Variants in SGCZ observed in about 807,000 individuals in gnomAD.
SGCZ encodes the protein sarcoglycan zeta, also known as zeta-sarcoglycan.
SGCZ carries 40 observed loss-of-function variants against 41.3 expected under a neutral mutation model. That is an observed-to-expected ratio of 0.97 (90% confidence interval 0.75 to 1.26). SGCZ has a LOEUF of 1.26. SGCZ is among the 50% of genes most tolerant of loss of function. SGCZ has a pLI of 0.00. For missense variants in SGCZ, 552 were observed against 369.8 expected (o/e 1.49, Z -4.04); for synonymous variants, 206 against 137.5 (o/e 1.50, Z -3.49).
rs192058771 is a variant in SGCZ at position 15,126,286 on chromosome 8, T to A, written c.39+111299A>T. Among the ~76,000 whole-genome samples the A allele has an allele frequency of 5.3e-3, 807 of 152,346 alleles. 3 individuals are homozygous for A. Among genetic ancestry groups the A allele is most frequent in the Non-Finnish European group, 8.1e-3 (548 of 68,038 alleles). Reference sequence around the variant, plus strand: ...AACTACAAGTAGAAAATTTATACTATTTATATCTACAGAGATATGATTATA... The same window carrying A: ...AACTACAAGTAGAAAATTTATACTAATTATATCTACAGAGATATGATTATA... On this transcript the variant is annotated intron_variant, in intron 1 of 7. Transcript: ENST00000382080.
intron 1 of SGCZ, among the ~76,000 whole-genome samples, chr8:14,992,506 T>C (rs1347828973): frequency 3.4e-5 from 5 of 148,742 alleles, no homozygotes; most frequent in Non-Finnish European, 5.9e-5. Context: ...TTACCCTTGC[T>C]ATTTACCTCT....
At chr8:14,403,236 C>G (rs1426577151) in intron 2 of SGCZ, among the ~76,000 whole-genome samples, 2 of 150,232 alleles carry the variant, frequency 1.3e-5, no homozygotes, top group Non-Finnish European at 2.9e-5. Flanking sequence ...CGTCTGCAAA[C>G]AGGGACAATT....
intron 2 of SGCZ, among the ~76,000 whole-genome samples, chr8:14,481,998 C>G (rs1801547651): frequency 6.6e-6 from 1 of 152,120 alleles, no homozygotes. Context: ...ACAGCAGAAC[C>G]CAGACAGAGC....
At position 14,475,055 on chromosome 8, in the gene SGCZ, G is replaced by C. The variant is rs530409507; in HGVS notation, c.234+79677C>G. 2.0e-5 allele frequency among the ~76,000 whole-genome samples: 3 copies of C among 152,164 alleles called. No individual in the cohort carries two copies. The South Asian group carries it at 6.2e-4, about 32-fold the overall frequency. ...GTGGACTTATCCAATGAGTTATTTT[G>C]TTGTTGTTTTTTAAGGAAGTGGAAT... is the stretch of plus-strand genomic sequence containing the variant. On this transcript the variant is annotated intron_variant, in intron 2 of 7. Transcript: ENST00000382080.
In SGCZ at chr8:14,344,746, A is replaced by C. The variant is rs192362475; in HGVS notation, c.235-20542T>G. Among the ~76,000 whole-genome samples the C allele has an allele frequency of 7.2e-5, 11 of 152,278 alleles. No homozygotes were observed. In the East Asian group the frequency reaches 2.1e-3, roughly 29 times the overall value. ...AGTTAAATTACTGAATGAAACAGTCAATTGTGGTTTTATACATGAGACCAG... is the reference window on the plus strand; with the variant it reads ...AGTTAAATTACTGAATGAAACAGTCCATTGTGGTTTTATACATGAGACCAG... On this transcript the variant is annotated intron_variant, in intron 2 of 7. Transcript: ENST00000382080.
At chr8:14,288,169 T>C (rs1446495141) in intron 3 of SGCZ, among the ~76,000 whole-genome samples, 1 of 152,136 alleles carries the variant, frequency 6.6e-6, no homozygotes, top group African/African-American at 2.4e-5. Context: ...TCTCAGTATG[T>C]GAGTGTGGAA....
Position 15,172,322 on chromosome 8 carries a change from C to T in SGCZ, c.39+65263G>A, listed in dbSNP as rs377558098. On this transcript the variant is annotated intron_variant, in intron 1 of 7. Transcript: ENST00000382080. ...GACTACAGGCGCGCGCCACCATGCC[C>T]GGCTAATTTTTGTATTTTTAGTAGA... 4.0e-4 allele frequency among the ~76,000 whole-genome samples: 61 copies of T among 150,702 alleles called. No individual in the cohort carries two copies. In the East Asian group the frequency reaches 8.8e-3, roughly 22 times the overall value.
chr8:14,351,516 T>C (rs1803092871), intron 2 of SGCZ, among the ~76,000 whole-genome samples: 1 of 151,512 alleles, frequency 6.6e-6, no homozygotes, highest in Admixed American at 6.6e-5. Context: ...TGAATACCTT[T>C]CTAGAAAAAA....
chr8:15,034,215 A>C (rs887486302), intron 1 of SGCZ, among the ~76,000 whole-genome samples: 1 of 152,312 alleles, frequency 6.6e-6, no homozygotes, highest in African/African-American at 2.4e-5. Flanking sequence ...AAACAATTGA[A>C]TAAAATAAGG....
chr8:14,453,904 C>T (rs1457001545), intron 2 of SGCZ, among the ~76,000 whole-genome samples: 1 of 152,064 alleles, frequency 6.6e-6, no homozygotes, highest in Non-Finnish European at 1.5e-5. Context: ...CTTGATTTGA[C>T]ATTCTGAGTG....
chr8:15,098,229 G>C (rs570538941), intron 1 of SGCZ, among the ~76,000 whole-genome samples: 4 of 151,866 alleles, frequency 2.6e-5, no homozygotes, highest in African/African-American at 9.7e-5. Context: ...AAAGAAAGAA[G>C]AAAAAATGAG....
intron 1 of SGCZ, among the ~76,000 whole-genome samples, chr8:14,717,508 G>A (rs7822045): frequency 0.37 from 56,151 of 151,910 alleles, 12,386 homozygotes; most frequent in African/African-American, 0.61. Flanking sequence ...ACTGGTAAGA[G>A]TGACTCAAGG....
chr8:14,597,454 A>G (rs907941286), intron 1 of SGCZ, among the ~76,000 whole-genome samples: 3 of 152,172 alleles, frequency 2.0e-5, no homozygotes, highest in African/African-American at 7.2e-5. Flanking sequence ...AGGAAAATGC[A>G]ATATTCATTC....
chr8:14,401,777 A>C (rs1362264866), intron 2 of SGCZ, among the ~76,000 whole-genome samples: 1 of 150,980 alleles, frequency 6.6e-6, no homozygotes, highest in Non-Finnish European at 1.5e-5. Flanking sequence ...TAGCAGCATG[A>C]TTTATAGTCC....
At chr8:14,146,197 C>T (rs565444270) in intron 5 of SGCZ, among the ~76,000 whole-genome samples, 66 of 152,108 alleles carry the variant, frequency 4.3e-4, no homozygotes, top group African/African-American at 1.6e-3. Context: ...CTAAAAGCAG[C>T]CAGAGAAAAT....
At chr8:14,629,609 T>C (rs1382304341) in intron 1 of SGCZ, among the ~76,000 whole-genome samples, 1 of 152,102 alleles carries the variant, frequency 6.6e-6, no homozygotes, top group East Asian at 1.9e-4. Flanking sequence ...TTGGAATCTC[T>C]ATGTATGCAT....
intron 4 of SGCZ, among the ~76,000 whole-genome samples, chr8:14,203,179 C>T (rs1805511709): frequency 6.6e-6 from 1 of 152,166 alleles, no homozygotes; most frequent in South Asian, 2.1e-4. Flanking sequence ...ATGTTTTTAT[C>T]AGCAGTGCGA....
At chr8:14,928,880 A>T (rs1383464502) in intron 1 of SGCZ, among the ~76,000 whole-genome samples, 1 of 152,212 alleles carries the variant, frequency 6.6e-6, no homozygotes, top group Non-Finnish European at 1.5e-5. Context: ...TGTGCCTATT[A>T]TACCATCTCT....
chr8:15,187,368 A>C (rs1324590307), intron 1 of SGCZ, among the ~76,000 whole-genome samples: 2 of 152,118 alleles, frequency 1.3e-5, no homozygotes, highest in Non-Finnish European at 2.9e-5. Flanking sequence ...ATTAGAATAC[A>C]TGTGCATGTA....
Sources: allele counts gnomAD v4.1 joint callset (sites outside exome capture counted in the v4.1 genomes callset), GRCh38; gene constraint gnomAD v4.1.1; transcripts MANE v1.5; gene names NCBI Gene and HGNC (gene_info 2026-07-23, HGNC 2026-07-21).